Variants in MED22 observed in about 807,000 individuals in gnomAD.
MED22 encodes mediator complex subunit 22.
In MED22, 22 loss-of-function variants were observed where a neutral mutation model predicts 22.7. The ratio of observed to expected loss-of-function variants is 0.97; its 90% CI spans 0.69 to 1.38. MED22 has a LOEUF of 1.38. Ranked by LOEUF, MED22 falls within the 40% of genes most tolerant of loss-of-function variation. The pLI is 0.00. For missense variants in MED22, 247 were observed against 263.0 expected, an observed-to-expected ratio of 0.94 and a Z score of 0.42; for synonymous variants, 134 against 119.4, an observed-to-expected ratio of 1.12 and a Z score of -0.80.
chr9:133,341,948 C>T, intron 4 of MED22: 2 of 1,278,178 alleles, frequency 1.6e-6, no homozygotes, highest in Non-Finnish European at 9.8e-7. Flanking sequence ...AGCTGTGTGA[C>T]CTCAGCAGGC....
At chr9:133,347,849 GCACCCACCCACCCCCACTCCCGCCCACA>G (rs1379285699) in intron 1 of MED22, 45 bp downstream of exon 1, 1 of 146,508 alleles carries the variant, frequency 6.8e-6, no homozygotes, top group African/African-American at 2.6e-5. Flanking sequence ...CAGCGCCTAC[GCACCCACCCACCCCCACTCCCGCCCACA>G]CACCCACCCC....
At chr9:133,346,181 G>A (rs2129967411) in intron 2 of MED22, among the ~76,000 whole-genome samples, 6 of 152,134 alleles carry the variant, frequency 3.9e-5, no homozygotes, top group Non-Finnish European at 8.8e-5. Flanking sequence ...AGTGCTGACC[G>A]CTCCACCTGC....
intron 2 of MED22, among the ~76,000 whole-genome samples, chr9:133,345,488 T>C (rs2129965500): frequency 6.4e-4 from 97 of 152,310 alleles, no homozygotes; most frequent in African/African-American, 2.0e-3. Flanking sequence ...TCAAGACAAA[T>C]AGAGGCAACC....
intron 3 of MED22, 94 bp downstream of exon 3, chr9:133,345,078 G>A: frequency 7.9e-7 from 1 of 1,259,804 alleles, no homozygotes; most frequent in East Asian, 2.3e-5. Flanking sequence ...AAGAAGACCA[G>A]ACCAGCCCCA....
At chr9:133,345,556 G>T (rs1234914491) in intron 2 of MED22, among the ~76,000 whole-genome samples, 1 of 152,200 alleles carries the variant, frequency 6.6e-6, no homozygotes, top group Non-Finnish European at 1.5e-5. Context: ...CGGTCTTTTT[G>T]GGCTGTGGGA....
In MED22 at chr9:133,343,186, G is replaced by C. The variant is rs1564339583; in HGVS notation, c.413+939C>G. On this transcript the variant is annotated intron_variant, in intron 4 of 4. Transcript: ENST00000343730. ...CCAAGCCCCAGGTCATGCTGGCTCT[G>C]GATATCTGTGGCTCCCAGCATGGCC... 4 of 1,091,868 alleles carry C rather than the reference G, an allele frequency of 3.7e-6. No homozygotes were observed. In the East Asian group the frequency reaches 2.2e-4, roughly 61 times the overall value. The allele number at this position is 1,091,868 out of a possible 1,614,324, so 67.6% of individuals were successfully genotyped here.
rs2129959975 is a variant in MED22, at chr9:133,344,164, A to G, written c.374T>C (p.Ile125Thr). ...CTCCTCCTCCAGCTCGTAGAGGTCA[A>G]TGGAGATCTCGTCTCGCAGCGTGAT... ...KLITLRDEIS[I>T]DLYELEEEYY... Residue 125 changes from isoleucine to threonine, a missense_variant, in exon 4 of 5, where the codon ATT (isoleucine) becomes ACT (threonine). Transcript: ENST00000343730. 1.9e-5 allele frequency: 31 copies of G among 1,613,886 alleles called. No homozygotes were observed. Among genetic ancestry groups the G allele is most frequent in the Non-Finnish European group, 2.5e-5 (30 of 1,179,994 alleles).
intron 4 of MED22, chr9:133,343,797 C>A (rs190651732): frequency 3.2e-5 from 45 of 1,388,296 alleles, no homozygotes; most frequent in Middle Eastern, 2.6e-4. Context: ...AGCCCCAGAA[C>A]GCACTGCCCG....
chr9:133,342,671 C>T (rs1450822191), intron 4 of MED22: 18 of 985,636 alleles, frequency 1.8e-5, no homozygotes, highest in Non-Finnish European at 2.0e-5. Context: ...ACTGCTTCTG[C>T]CACAGGGGCT....
chr9:133,343,566 G>A (rs1200604484), intron 4 of MED22: 40 of 1,241,222 alleles, frequency 3.2e-5, no homozygotes, highest in Non-Finnish European at 3.4e-5. Context: ...AGTGGGTCAC[G>A]AATTGGAGCT....
rs1311577524 is a variant in MED22, at chr9:133,339,706, G to A, written c.*1799C>T. On this transcript the variant is annotated 3_prime_UTR_variant, in exon 5 of 5. Transcript: ENST00000343730. Reference sequence around the variant, plus strand: ...AAAGCTTGGGATAAAAGAGTTACATGGACTGAGAATGGGCCGGGGCTTAGC... The same window carrying A: ...AAAGCTTGGGATAAAAGAGTTACATAGACTGAGAATGGGCCGGGGCTTAGC... 1 of 291,856 alleles carries A rather than the reference G, an allele frequency of 3.4e-6. No homozygotes were observed. The highest frequency in any genetic ancestry group is 6.5e-6 in the Non-Finnish European group (1 of 152,812). The allele number at this position is 291,856 out of a possible 1,614,324, so 18.1% of individuals were successfully genotyped here.
intron 4 of MED22, chr9:133,343,351 C>T: frequency 8.1e-7 from 1 of 1,230,632 alleles, no homozygotes; most frequent in Non-Finnish European, 1.0e-6. Flanking sequence ...TGGAAGGCCT[C>T]CCTGTCTCCA....
intron 4 of MED22, chr9:133,343,526 A>G: frequency 1.6e-6 from 2 of 1,236,604 alleles, no homozygotes; most frequent in Non-Finnish European, 2.0e-6. Flanking sequence ...CCTGGCACGT[A>G]GGTTGGCTCC....
Position 133,341,479 on chromosome 9 carries a change from T to A in MED22, c.*26A>T. On this transcript the variant is annotated 3_prime_UTR_variant, in exon 5 of 5. Transcript: ENST00000343730. ...AAAGGGCTGCCTCAGGTTTTGTTCC[T>A]GAGAACGAAGCGTGGCCCCGGAGGC... The A allele has an allele frequency of 6.8e-7, 1 of 1,466,938 alleles. No homozygotes were observed. Among genetic ancestry groups the A allele is most frequent in the South Asian group, 1.5e-5 (1 of 66,166 alleles). The allele number at this position is 1,466,938 out of a possible 1,614,324, so 90.9% of individuals were successfully genotyped here. A position where few individuals can be genotyped will look rare whatever the true frequency, so the allele number is the denominator to read the frequency against.
intron 3 of MED22, among the ~76,000 whole-genome samples, chr9:133,344,903 G>T (rs941815038): frequency 1.1e-4 from 16 of 152,164 alleles, no homozygotes; most frequent in Admixed American, 9.2e-4. Context: ...GCCACTGCAC[G>T]GCTACAGGAC....
chr9:133,344,082 G>A, intron 4 of MED22, 43 bp downstream of exon 4: 2 of 1,605,118 alleles, frequency 1.2e-6, no homozygotes, highest in Non-Finnish European at 1.7e-6. Context: ...GGCCCAGGTA[G>A]GCAGGCTCCC....
intron 4 of MED22, chr9:133,341,902 C>T (rs1435472307): frequency 1.5e-6 from 2 of 1,352,224 alleles, no homozygotes; most frequent in Admixed American, 8.0e-5. Context: ...CCCTAGCATT[C>T]TGAAAGGAGG....
At chr9:133,342,536 G>A (rs1045628908) in intron 4 of MED22, 47 of 986,178 alleles carry the variant, frequency 4.8e-5, no homozygotes, top group African/African-American at 1.9e-4. Context: ...GCACAGAGGC[G>A]CAGCTCATGC....
At chr9:133,342,928 T>C (rs1289484738) in intron 4 of MED22, 21 of 985,534 alleles carry the variant, frequency 2.1e-5, no homozygotes, top group Non-Finnish European at 2.5e-5. Context: ...GCAGGGGCCC[T>C]CAGGGACGGT....
Sources: allele counts gnomAD v4.1 joint callset (sites outside exome capture counted in the v4.1 genomes callset), GRCh38; gene constraint gnomAD v4.1.1; transcripts MANE v1.5; gene names NCBI Gene and HGNC (gene_info 2026-07-23, HGNC 2026-07-21).